The following TNKS variants were observed in gnomAD, a reference collection of about 807,000 sequenced individuals.
TNKS encodes poly [ADP-ribose] polymerase tankyrase-1.
Under a neutral mutation model 135.8 loss-of-function variants are expected in TNKS, and 72 were observed. The ratio of observed to expected loss-of-function variants is 0.53; its 90% confidence interval spans 0.44 to 0.64. The LOEUF (loss-of-function observed/expected upper bound fraction) is 0.64. Among genes scored for constraint, TNKS ranks in the 30% least tolerant of loss-of-function variants. The pLI, the probability that TNKS is intolerant of heterozygous loss-of-function variation, is 0.00. For synonymous variants in TNKS, 849 were observed against 649.3 expected, an observed-to-expected ratio of 1.31 and a Z score of -4.68; for missense variants, 1,769 against 1,674.0, an observed-to-expected ratio of 1.06 and a Z score of -0.99.
chr8:9,611,875 T>G (rs1799476824), intron 2 of TNKS, among the ~76,000 whole-genome samples: 1 of 152,372 alleles, frequency 6.6e-6, no homozygotes, highest in South Asian at 2.1e-4. Flanking sequence ...TAGTTTTGTT[T>G]GTTCTTTTTA....
intron 2 of TNKS, among the ~76,000 whole-genome samples, chr8:9,587,110 G>T (rs1398202863): frequency 2.0e-5 from 3 of 152,112 alleles, no homozygotes; most frequent in African/African-American, 7.2e-5. Context: ...TAAGGTTACA[G>T]ATGGAATTTT....
At chr8:9,725,155 C>T (rs1167682998) in intron 12 of TNKS, among the ~76,000 whole-genome samples, 1 of 151,844 alleles carries the variant, frequency 6.6e-6, no homozygotes, top group Admixed American at 6.6e-5. Context: ...ACTAATGAGA[C>T]AATGAAAGAA....
intron 3 of TNKS, among the ~76,000 whole-genome samples, chr8:9,666,489 G>A (rs1801994510): frequency 6.6e-6 from 1 of 152,176 alleles, no homozygotes; most frequent in South Asian, 2.1e-4. Context: ...GGAGGCCAAG[G>A]CTGGCAGATC....
intron 11 of TNKS, among the ~76,000 whole-genome samples, chr8:9,711,807 ATG>A (rs1025420752): frequency 6.6e-6 from 1 of 152,196 alleles, no homozygotes; most frequent in Admixed American, 6.5e-5. Context: ...TTTTTAGAAA[ATG>A]TTCACTTTTC....
At chr8:9,676,653 A>G (rs1173725316) in intron 3 of TNKS, among the ~76,000 whole-genome samples, 4 of 150,980 alleles carry the variant, frequency 2.6e-5, no homozygotes, top group Non-Finnish European at 5.9e-5. Context: ...GCTCTTTAAC[A>G]CATAAGCCTC....
Position 9,637,729 on chromosome 8 carries a change from C to T in TNKS, c.994+22052C>T, listed in dbSNP as rs534369666. Among the ~76,000 whole-genome samples, 85 of 152,192 alleles carry T rather than the reference C, an allele frequency of 5.6e-4. 2 individuals carry two copies. Among genetic ancestry groups the T allele is most frequent in the Admixed American group, 3.4e-3 (52 of 15,282 alleles). ...AAAGTAAAATGCTCATTTGCTTATA[C>T]TCTTTGTAAAAGAAAAACAAAAACA... On this transcript the variant is annotated intron_variant, in intron 3 of 26. Transcript: ENST00000310430.
rs923020938 is a variant in TNKS at position 9,780,492 on chromosome 8, AAAG to A, written c.*3759_*3761del. On this transcript the variant is annotated 3_prime_UTR_variant, in exon 27 of 27. Coordinates refer to ENST00000310430, the MANE Select transcript of TNKS (RefSeq NM_003747.3). ...AATGTCAGATCAGTGACAGAAGTGA[AAAG>A]AAAGTAATTGTGAAAGTGATGTTTG... The A allele has an allele frequency of 2.8e-4, 43 of 152,218 alleles. No homozygotes were observed. The highest frequency in any genetic ancestry group is 9.6e-4 in the African/African-American group (40 of 41,462). The allele number at this position is 152,218 out of a possible 1,614,324, so 9.4% of individuals were successfully genotyped here.
chr8:9,562,806 T>TC (rs1280750962), intron 1 of TNKS, among the ~76,000 whole-genome samples: 1 of 151,916 alleles, frequency 6.6e-6, no homozygotes, highest in Non-Finnish European at 1.5e-5. Context: ...GGAATTTCCT[T>TC]CCCTTAGCCT....
intron 3 of TNKS, among the ~76,000 whole-genome samples, chr8:9,648,576 T>C (rs564839105): frequency 2.6e-5 from 4 of 152,238 alleles, no homozygotes; most frequent in Non-Finnish European, 5.9e-5. Context: ...TCAAGTATTA[T>C]GTATTTCATG....
intron 3 of TNKS, among the ~76,000 whole-genome samples, chr8:9,637,300 G>C (rs190138130): frequency 5.5e-4 from 84 of 152,188 alleles, no homozygotes; most frequent in Non-Finnish European, 9.3e-4. Context: ...TCTTTCTGAC[G>C]ATACAGACTG....
chr8:9,678,577 C>G (rs1288642101), intron 3 of TNKS, among the ~76,000 whole-genome samples: 1 of 151,972 alleles, frequency 6.6e-6, no homozygotes, highest in African/African-American at 2.4e-5. Flanking sequence ...TTGAAAATAC[C>G]TGGTTATAGT....
At chr8:9,676,675 T>C (rs1406734328) in intron 3 of TNKS, among the ~76,000 whole-genome samples, 2 of 100,130 alleles carry the variant, frequency 2.0e-5, no homozygotes, top group Non-Finnish European at 4.1e-5. Flanking sequence ...TATTTCTCCC[T>C]CTCTCTCTCT....
chr8:9,645,147 AGTG>A (rs1800874118), intron 3 of TNKS, among the ~76,000 whole-genome samples: 1 of 150,712 alleles, frequency 6.6e-6, no homozygotes, highest in Admixed American at 6.6e-5. Context: ...GATCAGGAGA[AGTG>A]GTGAATGCAA....
At chr8:9,765,280 G>C (rs974638864) in intron 23 of TNKS, among the ~76,000 whole-genome samples, 2 of 151,916 alleles carry the variant, frequency 1.3e-5, no homozygotes, top group African/African-American at 4.8e-5. Context: ...GTAGAGAACT[G>C]GTTTAACCCT....
At chr8:9,680,825 C>G in intron 5 of TNKS, 25 bp downstream of exon 5, 1 of 1,590,188 alleles carries the variant, frequency 6.3e-7, no homozygotes, top group East Asian at 2.2e-5. Context: ...ATACAATCCT[C>G]TTTAATTGCA....
chr8:9,605,705 G>C (rs1234715742), intron 2 of TNKS, among the ~76,000 whole-genome samples: 1 of 151,982 alleles, frequency 6.6e-6, no homozygotes, highest in Non-Finnish European at 1.5e-5. Flanking sequence ...TAATAATGTT[G>C]AGCATCTTTT....
intron 1 of TNKS, among the ~76,000 whole-genome samples, chr8:9,569,825 C>T (rs1355039269): frequency 1.3e-5 from 2 of 151,960 alleles, no homozygotes; most frequent in Non-Finnish European, 2.9e-5. Context: ...GTTATCTGTG[C>T]TTTGTTAAAG....
At chr8:9,571,623 A>G (rs1450724866) in intron 1 of TNKS, among the ~76,000 whole-genome samples, 1 of 151,910 alleles carries the variant, frequency 6.6e-6, no homozygotes, top group East Asian at 1.9e-4. Context: ...ACGCCTGGCT[A>G]TTTTTTTATA....
rs1182537014 is a variant in TNKS, at chr8:9,688,677, T to C, written c.1107+7877T>C. On this transcript the variant is annotated intron_variant, in intron 5 of 26. Coordinates refer to ENST00000310430, the MANE Select transcript of TNKS (RefSeq NM_003747.3). Reference sequence around the variant, plus strand: ...TCTTTTGAGACAGAGTCTTGCACTGTCGCCCAGGCTGGAGTGCAGTGGCAC... The same window carrying C: ...TCTTTTGAGACAGAGTCTTGCACTGCCGCCCAGGCTGGAGTGCAGTGGCAC... Among the ~76,000 whole-genome samples, 4 of 152,190 alleles carry C rather than the reference T, an allele frequency of 2.6e-5. No individual in the cohort carries two copies. In the East Asian group the frequency reaches 7.7e-4, roughly 29 times the overall value.
Sources: allele counts gnomAD v4.1 joint callset (sites outside exome capture counted in the v4.1 genomes callset), GRCh38; gene constraint gnomAD v4.1.1; transcripts MANE v1.5; gene names NCBI Gene and HGNC (gene_info 2026-07-23, HGNC 2026-07-21).